B3GALT1: variants seen among roughly 807,000 people sequenced by gnomAD.
B3GALT1 encodes beta-1,3-galactosyltransferase 1.
Under a neutral mutation model 23.2 loss-of-function variants are expected in B3GALT1, and 10 were observed. The ratio of observed to expected loss-of-function variants is 0.43; its 90% confidence interval spans 0.27 to 0.73. The LOEUF (loss-of-function observed/expected upper bound fraction) is 0.73, where lower values mean the gene tolerates loss of function less well. B3GALT1 is among the 30% of genes least tolerant of loss of function. The probability of loss-of-function intolerance (pLI) is 0.21; values close to 1 mark genes in which losing one functional copy is unlikely to be tolerated. For missense variants in B3GALT1, 299 were observed against 405.4 expected (o/e 0.74, Z 2.25); for synonymous variants, 156 against 141.5 (o/e 1.10, Z -0.73).
chr2:167,630,020 G>A (rs2105446275), intron 2 of B3GALT1, among the ~76,000 whole-genome samples: 1 of 151,816 alleles, frequency 6.6e-6, no homozygotes, highest in East Asian at 1.9e-4. Flanking sequence ...AACTATATGT[G>A]ACATACATAG....
chr2:167,762,643 G>A (rs1558971259), intron 3 of B3GALT1, among the ~76,000 whole-genome samples: 1 of 151,804 alleles, frequency 6.6e-6, no homozygotes, highest in African/African-American at 2.4e-5. Flanking sequence ...GCTAATTCTT[G>A]CTTAATGATT....
intron 3 of B3GALT1, among the ~76,000 whole-genome samples, chr2:167,666,616 T>G (rs551457324): frequency 2.6e-5 from 4 of 152,076 alleles, no homozygotes; most frequent in Admixed American, 6.6e-5. Context: ...AGGACTTGCT[T>G]TATGAATCTG....
At chr2:167,364,500 C>A (rs1697555734) in intron 1 of B3GALT1, among the ~76,000 whole-genome samples, 1 of 152,102 alleles carries the variant, frequency 6.6e-6, no homozygotes, top group African/African-American at 2.4e-5. Context: ...CCCCCCACCC[C>A]ACAACAGGCC....
intron 1 of B3GALT1, among the ~76,000 whole-genome samples, chr2:167,439,783 T>G (rs1242409854): frequency 3.3e-5 from 5 of 152,112 alleles, no homozygotes; most frequent in Non-Finnish European, 1.5e-5. Context: ...CAAATGTTTA[T>G]CTATTTCTTC....
intron 1 of B3GALT1, among the ~76,000 whole-genome samples, chr2:167,318,682 C>A (rs1016277611): frequency 1.3e-5 from 2 of 152,080 alleles, no homozygotes; most frequent in African/African-American, 4.8e-5. Flanking sequence ...GGAATGCAAG[C>A]CAACTGCACT....
At chr2:167,503,589 G>A (rs142850991) in intron 2 of B3GALT1, among the ~76,000 whole-genome samples, 36 of 152,154 alleles carry the variant, frequency 2.4e-4, no homozygotes, top group Middle Eastern at 3.4e-3. Context: ...CAAATTCTAC[G>A]TTTTGACCAA....
At chr2:167,434,256 A>G (rs1038758557) in intron 1 of B3GALT1, among the ~76,000 whole-genome samples, 3 of 152,160 alleles carry the variant, frequency 2.0e-5, no homozygotes, top group Admixed American at 6.5e-5. Flanking sequence ...GATCTCTTTC[A>G]CAGTTGTAGA....
chr2:167,429,878 G>T (rs11900099), intron 1 of B3GALT1, among the ~76,000 whole-genome samples: 1 of 152,160 alleles, frequency 6.6e-6, no homozygotes, highest in African/African-American at 2.4e-5. Context: ...TATTCTTCAC[G>T]ATCATTTATT....
At chr2:167,546,352 G>A (rs1360732541) in intron 2 of B3GALT1, among the ~76,000 whole-genome samples, 1 of 152,154 alleles carries the variant, frequency 6.6e-6, no homozygotes, top group East Asian at 1.9e-4. Context: ...TGCCCATGTG[G>A]CTGATCTTTA....
intron 2 of B3GALT1, among the ~76,000 whole-genome samples, chr2:167,585,387 GT>G (rs1381440299): frequency 1.3e-5 from 2 of 152,152 alleles, no homozygotes; most frequent in African/African-American, 4.8e-5. Context: ...TGGGCAATCA[GT>G]TTAACCAAGC....
chr2:167,568,921 A>G (rs566077059), intron 2 of B3GALT1, among the ~76,000 whole-genome samples: 1 of 151,946 alleles, frequency 6.6e-6, no homozygotes, highest in African/African-American at 2.4e-5. Flanking sequence ...GTATGTGTTT[A>G]GATTCATTGT....
chr2:167,648,872 A>G (rs922077571), intron 3 of B3GALT1, among the ~76,000 whole-genome samples: 1 of 151,972 alleles, frequency 6.6e-6, no homozygotes, highest in Non-Finnish European at 1.5e-5. Context: ...CCCATTTATT[A>G]TTCCTTTTAA....
At chr2:167,542,610 T>C (rs1683550251) in intron 2 of B3GALT1, among the ~76,000 whole-genome samples, 1 of 152,194 alleles carries the variant, frequency 6.6e-6, no homozygotes, top group African/African-American at 2.4e-5. Flanking sequence ...TTGGAAGGAC[T>C]CTGATCCACT....
intron 4 of B3GALT1, among the ~76,000 whole-genome samples, chr2:167,868,204 G>A (rs184666089): frequency 6.6e-6 from 1 of 152,296 alleles, no homozygotes; most frequent in East Asian, 1.9e-4. Flanking sequence ...ATTAGAATTA[G>A]AGCTAAGAGT....
chr2:167,487,573 T>C (rs1379327568), intron 1 of B3GALT1, among the ~76,000 whole-genome samples: 2 of 152,212 alleles, frequency 1.3e-5, no homozygotes, highest in East Asian at 3.8e-4. Context: ...TGTTTAATCT[T>C]ATGACTCCTC....
intron 3 of B3GALT1, among the ~76,000 whole-genome samples, chr2:167,660,423 T>A (rs1183901383): frequency 6.6e-6 from 1 of 152,086 alleles, no homozygotes; most frequent in Non-Finnish European, 1.5e-5. Flanking sequence ...CAAAGATGAT[T>A]CAGTAGAAGG....
At chr2:167,803,489 C>T (rs563847912) in intron 3 of B3GALT1, among the ~76,000 whole-genome samples, 7 of 152,182 alleles carry the variant, frequency 4.6e-5, no homozygotes, top group African/African-American at 7.2e-5. Context: ...TCACAATAGG[C>T]GTAGCTCTAT....
intron 2 of B3GALT1, among the ~76,000 whole-genome samples, chr2:167,618,410 A>AT (rs1361577133): frequency 1.3e-5 from 2 of 151,988 alleles, no homozygotes; most frequent in African/African-American, 2.4e-5. Context: ...GTATGTATAA[A>AT]TTTTTCTGAA....
chr2:167,829,108 A>C (rs1401078781), intron 4 of B3GALT1, among the ~76,000 whole-genome samples: 6 of 152,208 alleles, frequency 3.9e-5, no homozygotes, highest in Non-Finnish European at 5.9e-5. Context: ...AAAAAGCAAT[A>C]CGTTAATAAC....
Sources: allele counts gnomAD v4.1 joint callset (sites outside exome capture counted in the v4.1 genomes callset), GRCh38; gene constraint gnomAD v4.1.1; transcripts MANE v1.5; gene names NCBI Gene and HGNC (gene_info 2026-07-23, HGNC 2026-07-21).